RNF31: variants seen among roughly 807,000 people sequenced by gnomAD.
The protein encoded by RNF31 is E3 ubiquitin-protein ligase RNF31.
RNF31 carries 38 observed loss-of-function variants against 133.6 expected under a neutral mutation model. The ratio of observed to expected loss-of-function variants is 0.28; its 90% CI spans 0.22 to 0.37. The LOEUF (loss-of-function observed/expected upper bound fraction) is 0.37. RNF31 is among the 10% of genes least tolerant of loss of function. The pLI is 1.00. For missense variants in RNF31, 1,118 were observed against 1,394.1 expected, an observed-to-expected ratio of 0.80 and a Z score of 3.15; for synonymous variants, 582 against 552.3, an observed-to-expected ratio of 1.05 and a Z score of -0.75.
At chr14:24,156,444 C>T (rs2038341972) in intron 14 of RNF31, among the ~76,000 whole-genome samples, 3 of 152,046 alleles carry the variant, frequency 2.0e-5, no homozygotes, top group Admixed American at 6.6e-5. Flanking sequence ...ACTGGGATTA[C>T]AGGCATGAGC....
At chr14:24,156,300 C>T (rs913033469) in intron 14 of RNF31, among the ~76,000 whole-genome samples, 10 of 152,028 alleles carry the variant, frequency 6.6e-5, no homozygotes, top group Admixed American at 3.9e-4. Flanking sequence ...ATTTATCTTT[C>T]GTTTATTTAT....
intron 11 of RNF31, among the ~76,000 whole-genome samples, chr14:24,154,685 A>G (rs2038316853): frequency 6.6e-6 from 1 of 152,136 alleles, no homozygotes; most frequent in African/African-American, 2.4e-5. Context: ...TCTCATGGAT[A>G]TGCCGCTGTG....
chr14:24,153,983 A>G (rs1459007937), intron 11 of RNF31, among the ~76,000 whole-genome samples: 1 of 152,188 alleles, frequency 6.6e-6, no homozygotes, highest in Non-Finnish European at 1.5e-5. Context: ...TGTACTTTTC[A>G]CTAACCTTCA....
chr14:24,160,070 G>A lies in RNF31; in HGVS notation c.2996+110G>A. On this transcript the variant is annotated intron_variant, in intron 19 of 20. Coordinates refer to ENST00000324103, the MANE Select transcript of RNF31 (RefSeq NM_017999.5). The surrounding 1 kb of genome is among the most constrained non-coding windows in gnomAD (Gnocchi z 4.0). ...GGAGCAGTAGGTCTTGCAGTGGGTGGGAGGGAGGAGGCTTTCTGGGCAAGG... is the reference window on the plus strand; with the variant it reads ...GGAGCAGTAGGTCTTGCAGTGGGTGAGAGGGAGGAGGCTTTCTGGGCAAGG... 7.6e-7 allele frequency: 1 copy of A among 1,318,808 alleles called. No homozygotes were observed. Among genetic ancestry groups the A allele is most frequent in the South Asian group, 1.3e-5 (1 of 78,056 alleles). The allele number at this position is 1,318,808 out of a possible 1,614,324, so 81.7% of individuals were successfully genotyped here. A position where few individuals can be genotyped will look rare whatever the true frequency, so the allele number is the denominator to read the frequency against.
chr14:24,155,755 CA>C lies in RNF31; in HGVS notation c.2493+64del. On this transcript the variant is annotated intron_variant, in intron 14 of 20. Coordinates refer to ENST00000324103, the MANE Select transcript of RNF31 (RefSeq NM_017999.5). This position sits in a 1 kb window ranked among gnomAD's most constrained non-coding sequence, Gnocchi z 4.9. ...CTACTGCCAGGTACTGTGTTAGACT[CA>C]GGGGAGTTTGTGTACTGGAGAGCAA... The C allele has an allele frequency of 1.4e-6, 2 of 1,470,090 alleles. No homozygotes were observed. Among genetic ancestry groups the C allele is most frequent in the Non-Finnish European group, 1.9e-6 (2 of 1,053,718 alleles). The allele number at this position is 1,470,090 out of a possible 1,614,324, so 91.1% of individuals were successfully genotyped here.
chr14:24,160,291 C>T lies in RNF31; in HGVS notation c.3049C>T (p.Pro1017Ser). The change falls in exon 20 of 21, where the codon CCA becomes TCA. Residue 1017 changes from proline to serine, a missense_variant. Pro to Ser is a moderately conservative substitution (Grantham distance 74, BLOSUM62 -1). This residue lies in a region of RNF31 where 170 missense variants were observed against 194.5 expected (regional missense o/e 0.87). Transcript: ENST00000324103. This position sits in a 1 kb window ranked among gnomAD's most constrained non-coding sequence, Gnocchi z 4.0. ...CCTCATCAATGCCCACTCGCTGGACCCAGCCACCTTGTATGAGGTGGAAGA... is the reference window on the plus strand; with the variant it reads ...CCTCATCAATGCCCACTCGCTGGACTCAGCCACCTTGTATGAGGTGGAAGA... ...VSLINAHSLDPATLYEVEELE... is the reference protein window; with the variant it reads ...VSLINAHSLDSATLYEVEELE... 6.2e-7 allele frequency: 1 copy of T among 1,614,150 alleles called. No individual in the cohort carries two copies.
In RNF31 at chr14:24,155,064, C is replaced by G; in HGVS notation, c.2131-93C>G. 7.9e-7 allele frequency: 1 copy of G among 1,273,176 alleles called. No homozygotes were observed. The highest frequency in any genetic ancestry group is 1.1e-6 in the Non-Finnish European group (1 of 906,518). The allele number at this position is 1,273,176 out of a possible 1,614,324, so 78.9% of individuals were successfully genotyped here. A position where few individuals can be genotyped will look rare whatever the true frequency, so the allele number is the denominator to read the frequency against. On this transcript the variant is annotated intron_variant, in intron 11 of 20. Coordinates refer to ENST00000324103, the MANE Select transcript of RNF31 (RefSeq NM_017999.5). The surrounding 1 kb of genome is among the most constrained non-coding windows in gnomAD (Gnocchi z 4.9). ...AACCCTGCCCAGTTGTTAATTAGACCCTGATTTCTTAGTGGACACCTGGCC... is the reference window on the plus strand; with the variant it reads ...AACCCTGCCCAGTTGTTAATTAGACGCTGATTTCTTAGTGGACACCTGGCC...
chr14:24,149,506 C>G lies in RNF31; in HGVS notation c.732C>G (p.Phe244Leu), dbSNP rs771965452. 2.3e-5 allele frequency: 37 copies of G among 1,614,138 alleles called. 1 individual carries two copies. The South Asian group carries it at 4.1e-4, about 18-fold the overall frequency. The change falls in exon 6 of 21, where the codon TTC becomes TTG. Residue 244 changes from phenylalanine (F) to leucine (L), a missense_variant. Phe to Leu is a conservative substitution (Grantham distance 22, BLOSUM62 0). Transcript: ENST00000324103. ...QALCPACDHLFHGHPSRAHHL... is the reference protein window; with the variant it reads ...QALCPACDHLLHGHPSRAHHL... ...TGTGTCCAGCCTGTGACCACCTGTT[C>G]CATGGACACCCATCCCGTGCTCATC...
chr14:24,149,707 C>A, intron 6 of RNF31, 124 bp downstream of exon 6: 2 of 983,426 alleles, frequency 2.0e-6, no homozygotes, highest in Non-Finnish European at 1.5e-6. Flanking sequence ...CAGTCAGAAC[C>A]CTGAAAGAGA....
rs371536983 is a variant in RNF31 at position 24,157,576 on chromosome 14, C to G, written c.2665C>G (p.His889Asp). 19 of 1,614,062 alleles carry G rather than the reference C, an allele frequency of 1.2e-5. No individual in the cohort carries two copies. The highest frequency in any genetic ancestry group is 1.6e-5 in the Non-Finnish European group (19 of 1,180,030). The stretch of plus-strand genomic sequence containing the variant: ...GGCCCGAGGAGGCTGCATGCACTTT[C>G]ACTGTACCCAGTGCCGCCACCAGTT... ...ALARGGCMHF[H>D]CTQCRHQFCS... Residue 889 changes from histidine to aspartate, a missense_variant, in exon 16 of 21, where the codon CAC (histidine) becomes GAC (aspartate). This residue lies in a region of RNF31 where 201 missense variants were observed against 371.7 expected (regional missense o/e 0.54). Transcript: ENST00000324103.
chr14:24,160,172 G>C lies in RNF31; in HGVS notation c.2997-67G>C, dbSNP rs2038423534. On this transcript the variant is annotated intron_variant, in intron 19 of 20. Transcript: ENST00000324103. This position sits in a 1 kb window ranked among gnomAD's most constrained non-coding sequence, Gnocchi z 4.0. ...GTTCGTCCAGGTGTCTCAGAGTCCA[G>C]CTATGTTAGACACACTCAGTTAATA... is the stretch of plus-strand genomic sequence containing the variant. 5.8e-6 allele frequency: 9 copies of C among 1,540,428 alleles called. No individual in the cohort carries two copies. Among genetic ancestry groups the C allele is most frequent in the African/African-American group, 1.4e-5 (1 of 73,776 alleles).
rs757320698 is a variant in RNF31, at chr14:24,155,223, G to A, written c.2197G>A (p.Ala733Thr). Residue 733 changes from alanine (A) to threonine (T), a missense_variant, in exon 12 of 21, where the codon GCC (alanine) becomes ACC (threonine). By Grantham distance (58) the Ala-to-Thr change is moderately conservative. Coordinates refer to ENST00000324103, the MANE Select transcript of RNF31 (RefSeq NM_017999.5). This position sits in a 1 kb window ranked among gnomAD's most constrained non-coding sequence, Gnocchi z 4.9. ...PDCFRQHFTI[A>T]LKEKHITDMV... ...CTGCTTCCGCCAGCACTTCACCATCGCCTTGAAGGAGAAGCACATCACAGA... is the reference window on the plus strand; with the variant it reads ...CTGCTTCCGCCAGCACTTCACCATCACCTTGAAGGAGAAGCACATCACAGA... 3.1e-6 allele frequency: 5 copies of A among 1,614,036 alleles called. No individual in the cohort carries two copies. Among genetic ancestry groups the A allele is most frequent in the East Asian group, 2.2e-5 (1 of 44,880 alleles).
In RNF31 at chr14:24,151,547, G is replaced by A. The variant is rs370616415; in HGVS notation, c.1800G>A (p.Gln600=). 1.2e-5 allele frequency: 19 copies of A among 1,614,228 alleles called. No homozygotes were observed. The African/African-American group carries it at 2.0e-4, about 17-fold the overall frequency. The part of the protein sequence containing the change: ...PEEGSLQALF[Q]HGGDVSRALT... ...AGGGGTCTCTCCAGGCATTGTTCCA[G>A]CACGGAGGTGATGTGTCACGGGCCC... The change falls in exon 10 of 21, where the codon CAG becomes CAA. Residue 600 remains glutamine (Q), a synonymous_variant. Transcript: ENST00000324103. This position sits in a 1 kb window ranked among gnomAD's most constrained non-coding sequence, Gnocchi z 5.3.
chr14:24,148,271 T>A lies in RNF31; in HGVS notation c.353T>A (p.Val118Glu), dbSNP rs748041055. 2 of 1,614,118 alleles carry A rather than the reference T, an allele frequency of 1.2e-6. No homozygotes were observed. Among genetic ancestry groups the A allele is most frequent in the Non-Finnish European group, 1.7e-6 (2 of 1,180,036 alleles). ...AATGTGTGGCAGGGGGGCCGAGATG[T>A]GCTGCGATTATATGGCTACACAGAG... ...TVDAVQGGRDVLRLYGYTEEQ... is the reference protein window; with the variant it reads ...TVDAVQGGRDELRLYGYTEEQ... Residue 118 changes from valine (V) to glutamate (E), a missense_variant, in exon 3 of 21, where the codon GTG (valine) becomes GAG (glutamate). Coordinates refer to ENST00000324103, the MANE Select transcript of RNF31 (RefSeq NM_017999.5).
At position 24,155,913 on chromosome 14, in the gene RNF31, A is replaced by G. The variant is rs558788929; in HGVS notation, c.2493+221A>G. Reference sequence around the variant, plus strand: ...AGGGGAGGAGGAAGGAAGGAAGGAAAGAAAGTAAGCCAGAGGAACTAATTA... The same window carrying G: ...AGGGGAGGAGGAAGGAAGGAAGGAAGGAAAGTAAGCCAGAGGAACTAATTA... On this transcript the variant is annotated intron_variant, in intron 14 of 20. Coordinates refer to ENST00000324103, the MANE Select transcript of RNF31 (RefSeq NM_017999.5). This position sits in a 1 kb window ranked among gnomAD's most constrained non-coding sequence, Gnocchi z 4.9. Among the ~76,000 whole-genome samples the G allele has an allele frequency of 2.6e-5, 4 of 152,190 alleles. No homozygotes were observed. Among genetic ancestry groups the G allele is most frequent in the Non-Finnish European group, 5.9e-5 (4 of 68,028 alleles).
chr14:24,157,313 G>A lies in RNF31; in HGVS notation c.2517G>A (p.Arg839=). The change falls in exon 15 of 21, where the codon CGG becomes CGA. Residue 839 remains arginine (R), a synonymous_variant. Transcript: ENST00000324103. The part of the protein sequence containing the change: ...KRQWEEQHRG[R]SCEDFQNWKR... ...AGTGGGAGGAGCAGCACCGAGGTCG[G>A]AGCTGTGAGGACTTCCAGAACTGGA... The A allele has an allele frequency of 1.2e-6, 2 of 1,611,126 alleles. No homozygotes were observed. Among genetic ancestry groups the A allele is most frequent in the Non-Finnish European group, 1.7e-6 (2 of 1,177,660 alleles).
Position 24,150,208 on chromosome 14 carries a change from C to T in RNF31, c.957C>T (p.Leu319=), listed in dbSNP as rs772525638. ...TGCTAAATGAGCCTTGGGCAGTGCT[C>T]TGTGTGGCCTGTGATCGGCCCCGAG... The part of the protein sequence containing the change: ...CAMLNEPWAV[L]CVACDRPRGC... Residue 319 remains leucine, a synonymous_variant, in exon 7 of 21, where the codon CTC becomes CTT. Coordinates refer to ENST00000324103, the MANE Select transcript of RNF31 (RefSeq NM_017999.5). 16 of 1,614,202 alleles carry T rather than the reference C, an allele frequency of 9.9e-6. No homozygotes were observed. The South Asian group carries it at 1.6e-4, about 17-fold the overall frequency.
rs1275885961 is a variant in RNF31 at position 24,150,748 on chromosome 14, A to T, written c.1348A>T (p.Ser450Cys). Residue 450 changes from serine (S) to cysteine (C), a missense_variant, in exon 8 of 21, where the codon AGC becomes TGC. By Grantham distance (112) the Ser-to-Cys change is moderately radical. Transcript: ENST00000324103. Reference protein sequence around the residue: ...PAQHAPRPYASSLEKGPPKPG... With the variant: ...PAQHAPRPYACSLEKGPPKPG... ...ACAACATGCCCCCCGGCCCTATGCC[A>T]GCTCTTTGGAAAAGGGACCCCCCAA... is the stretch of plus-strand genomic sequence containing the variant. 6.3e-7 allele frequency: 1 copy of T among 1,599,398 alleles called. No individual in the cohort carries two copies. Among genetic ancestry groups the T allele is most frequent in the Admixed American group, 1.7e-5 (1 of 58,946 alleles).
chr14:24,157,991 C>T lies in RNF31; in HGVS notation c.2821C>T (p.Arg941Trp), dbSNP rs1225276994. ...CTACCTGCGGGACTGGACTGCTCTC[C>T]GGCTTCAGAAGCTGCTACAGGTCAG... ...LFYLRDWTAL[R>W]LQKLLQDNNV... The change falls in exon 17 of 21, where the codon CGG (arginine) becomes TGG (tryptophan). Residue 941 changes from arginine (R) to tryptophan (W), a missense_variant. Physicochemically the swap from Arg to Trp is moderately radical, Grantham distance 101. This residue lies in a region of RNF31 where 170 missense variants were observed against 194.5 expected (regional missense o/e 0.87). Coordinates refer to ENST00000324103, the MANE Select transcript of RNF31 (RefSeq NM_017999.5). 5.0e-6 allele frequency: 8 copies of T among 1,614,108 alleles called. No homozygotes were observed. The highest frequency in any genetic ancestry group is 1.1e-5 in the South Asian group (1 of 91,086).
Sources: allele counts gnomAD v4.1 joint callset (sites outside exome capture counted in the v4.1 genomes callset), GRCh38; gene constraint gnomAD v4.1.1; regional missense constraint gnomAD v4.1.1; non-coding constraint Gnocchi (gnomAD v3.1); transcripts MANE v1.5; gene names NCBI Gene and HGNC (gene_info 2026-07-23, HGNC 2026-07-21).